PIEZO2: variants seen among roughly 807,000 people sequenced by gnomAD.
PIEZO2 encodes piezo-type mechanosensitive ion channel component 2.
Under a neutral mutation model 337.3 loss-of-function variants are expected in PIEZO2, and 172 were observed. That is an observed-to-expected ratio of 0.51 (90% confidence interval 0.45 to 0.58). The LOEUF is 0.58. PIEZO2 is among the 20% of genes least tolerant of loss of function. PIEZO2 has a pLI of 0.00. For missense variants in PIEZO2, 3,028 were observed against 3,391.3 expected, an observed-to-expected ratio of 0.89 and a Z score of 2.66; for synonymous variants, 1,251 against 1,228.5, an observed-to-expected ratio of 1.02 and a Z score of -0.38.
At chr18:10,896,571 T>C (rs901991631) in intron 4 of PIEZO2, among the ~76,000 whole-genome samples, 1 of 152,178 alleles carries the variant, frequency 6.6e-6, no homozygotes, top group African/African-American at 2.4e-5. Context: ...TTTCTCTCTG[T>C]TTATGGCAAG....
chr18:10,680,456 C>A (rs943443769), intron 51 of PIEZO2, 85 bp from the exon 52 acceptor site: 7 of 1,253,448 alleles, frequency 5.6e-6, no homozygotes, highest in African/African-American at 3.0e-5. Flanking sequence ...TTTTAACTGG[C>A]AGTATGGAAA....
rs1191391602 is a variant in PIEZO2 at position 11,069,662 on chromosome 18, GA to G, written c.65-3441del. Reference sequence around the variant, plus strand: ...GACACTTCCATTCAATGTGGTACGGGAAGTCCTAGGCAGAGGAATTAGGCAA... The same window carrying G: ...GACACTTCCATTCAATGTGGTACGGGAGTCCTAGGCAGAGGAATTAGGCAA... On this transcript the variant is annotated intron_variant, in intron 1 of 55. Transcript: ENST00000674853. The surrounding 1 kb of genome is among the most constrained non-coding windows in gnomAD (Gnocchi z 4.9). 6.6e-6 allele frequency among the ~76,000 whole-genome samples: 1 copy of G among 152,148 alleles called. No individual in the cohort carries two copies. Among genetic ancestry groups the G allele is most frequent in the Non-Finnish European group, 1.5e-5 (1 of 68,030 alleles).
intron 31 of PIEZO2, among the ~76,000 whole-genome samples, chr18:10,743,159 C>T (rs1310666020): frequency 6.6e-6 from 1 of 152,032 alleles, no homozygotes; most frequent in East Asian, 1.9e-4. Flanking sequence ...TACCATATTG[C>T]ATTTACATTA....
At chr18:10,981,490 T>C (rs910621610) in intron 2 of PIEZO2, among the ~76,000 whole-genome samples, 1 of 152,200 alleles carries the variant, frequency 6.6e-6, no homozygotes, top group Non-Finnish European at 1.5e-5. Flanking sequence ...ATCTTCTACC[T>C]AAGTGAAGAA....
At position 10,954,823 on chromosome 18, in the gene PIEZO2, C is replaced by T. The variant is rs564434361; in HGVS notation, c.286+24712G>A. Among the ~76,000 whole-genome samples the T allele has an allele frequency of 1.9e-4, 29 of 152,320 alleles. No individual in the cohort carries two copies. Among genetic ancestry groups the T allele is most frequent in the African/African-American group, 6.7e-4 (28 of 41,574 alleles). On this transcript the variant is annotated intron_variant, in intron 3 of 55. Coordinates refer to ENST00000674853, the MANE Select transcript of PIEZO2 (RefSeq NM_001378183.1). This position sits in a 1 kb window ranked among gnomAD's most constrained non-coding sequence, Gnocchi z 4.2. ...GAACAGAGAACTCAGAATGCAAGGC[C>T]TTCTTCTCTCATTTCTCTCTGATGT...
rs1354563729 is a variant in PIEZO2, at chr18:10,853,330, T to A, written c.917+2023A>T. Among the ~76,000 whole-genome samples the A allele has an allele frequency of 2.6e-5, 4 of 152,248 alleles. No homozygotes were observed. Among genetic ancestry groups the A allele is most frequent in the African/African-American group, 9.6e-5 (4 of 41,466 alleles). ...ACCGTGCACTTGATCTCAAGTCGCC[T>A]GCTTAGCCCACTTCCAAGTGTACTT... On this transcript the variant is annotated intron_variant, in intron 7 of 55. Transcript: ENST00000674853. The surrounding 1 kb of genome is among the most constrained non-coding windows in gnomAD (Gnocchi z 4.2).
At chr18:10,739,154 C>T (rs1261347888) in intron 33 of PIEZO2, 2 of 152,214 alleles carry the variant, frequency 1.3e-5, no homozygotes, top group African/African-American at 4.8e-5. Flanking sequence ...CACATTCTTT[C>T]CCTTTCATTC....
intron 3 of PIEZO2, among the ~76,000 whole-genome samples, chr18:10,924,799 A>G (rs1218506379): frequency 6.6e-6 from 1 of 152,208 alleles, no homozygotes; most frequent in Non-Finnish European, 1.5e-5. Flanking sequence ...GCATCTTATA[A>G]GGCGTTACAA....
rs1197115345 is a variant in PIEZO2, at chr18:11,009,022, A to AT, written c.161-29363dup. 6.6e-6 allele frequency among the ~76,000 whole-genome samples: 1 copy of AT among 152,202 alleles called. No homozygotes were observed. The highest frequency in any genetic ancestry group is 2.4e-5 in the African/African-American group (1 of 41,458). On this transcript the variant is annotated intron_variant, in intron 2 of 55. Transcript: ENST00000674853. The surrounding 1 kb of genome is among the most constrained non-coding windows in gnomAD (Gnocchi z 4.6). ...AAAATGGCATTTTTACTGACTTCTC[A>AT]TATTATCCTTTGTACTGTCTTGAAG...
chr18:10,889,910 C>T (rs959419570), intron 4 of PIEZO2, among the ~76,000 whole-genome samples: 1 of 152,240 alleles, frequency 6.6e-6, no homozygotes, highest in East Asian at 1.9e-4. Flanking sequence ...CGGGGTCCCA[C>T]TTTAACTGCT....
rs1449794779 is a variant in PIEZO2 at position 10,980,141 on chromosome 18, A to T, written c.161-481T>A. 6.6e-6 allele frequency among the ~76,000 whole-genome samples: 1 copy of T among 151,740 alleles called. No homozygotes were observed. Among genetic ancestry groups the T allele is most frequent in the East Asian group, 1.9e-4 (1 of 5,194 alleles). On this transcript the variant is annotated intron_variant, in intron 2 of 55. Transcript: ENST00000674853. The surrounding 1 kb of genome is among the most constrained non-coding windows in gnomAD (Gnocchi z 4.8). ...CATGTTACTCATAACATAGATATGA[A>T]TTATTTTTTTTAAATGTGTTAACCA...
rs371948857 is a variant in PIEZO2 at position 10,856,178 on chromosome 18, C to T, written c.704-612G>A. 1.2e-4 allele frequency among the ~76,000 whole-genome samples: 18 copies of T among 152,230 alleles called. No individual in the cohort carries two copies. The South Asian group carries it at 1.9e-3, about 16-fold the overall frequency. Reference sequence around the variant, plus strand: ...CCTTCCAAAGGGCTCGGATTACAGGCATGAGCCACTGCTCCTGGCCAATAA... The same window carrying T: ...CCTTCCAAAGGGCTCGGATTACAGGTATGAGCCACTGCTCCTGGCCAATAA... On this transcript the variant is annotated intron_variant, in intron 6 of 55. Coordinates refer to ENST00000674853, the MANE Select transcript of PIEZO2 (RefSeq NM_001378183.1). This position sits in a 1 kb window ranked among gnomAD's most constrained non-coding sequence, Gnocchi z 4.7.
In PIEZO2 at chr18:10,677,135, C is replaced by T. The variant is rs1164624292; in HGVS notation, c.8081+612G>A. ...GAATAATGTCTGTCTCAATGGAAGCCCCAGCGGGCCAGCACTTTCCATGCA... is the reference window on the plus strand; with the variant it reads ...GAATAATGTCTGTCTCAATGGAAGCTCCAGCGGGCCAGCACTTTCCATGCA... On this transcript the variant is annotated intron_variant, in intron 53 of 55. Transcript: ENST00000674853. The surrounding 1 kb of genome is among the most constrained non-coding windows in gnomAD (Gnocchi z 4.1). Among the ~76,000 whole-genome samples the T allele has an allele frequency of 6.6e-6, 1 of 152,174 alleles. No individual in the cohort carries two copies. The highest frequency in any genetic ancestry group is 1.5e-5 in the Non-Finnish European group (1 of 68,034).
chr18:10,911,512 C>T (rs2030473617), intron 3 of PIEZO2, among the ~76,000 whole-genome samples: 1 of 151,118 alleles, frequency 6.6e-6, no homozygotes, highest in African/African-American at 2.4e-5. Context: ...CCCAGCACTC[C>T]GGGAGGCCAA....
intron 3 of PIEZO2, among the ~76,000 whole-genome samples, chr18:10,936,388 G>A (rs551187724): frequency 1.3e-5 from 2 of 152,182 alleles, no homozygotes; most frequent in South Asian, 4.2e-4. Context: ...CCTCATTGAG[G>A]TTGCCTTTTA....
In PIEZO2 at chr18:10,762,926, G is replaced by A. The variant is rs976495862; in HGVS notation, c.3119C>T (p.Ser1040Phe). Residue 1040 changes from serine to phenylalanine, a missense_variant, in exon 22 of 56, where the codon TCC becomes TTC. This residue lies in a region of PIEZO2 where 1,925 missense variants were observed against 2,051.9 expected (regional missense o/e 0.94). Transcript: ENST00000674853. ...IKPENFSVNC[S>F]LPNENQTNIP... ...TCCCCCATCACCGAGGCTCACCAAGGAACAGTTAACAGAGAAGTTCTCAGG... is the reference window on the plus strand; with the variant it reads ...TCCCCCATCACCGAGGCTCACCAAGAAACAGTTAACAGAGAAGTTCTCAGG... The A allele has an allele frequency of 2.3e-5, 36 of 1,536,686 alleles. No individual in the cohort carries two copies. Among genetic ancestry groups the A allele is most frequent in the African/African-American group, 5.5e-5 (4 of 73,028 alleles).
chr18:10,720,403 GTATGTGTATGTGTATGTATA>G (rs1343791443), intron 36 of PIEZO2, among the ~76,000 whole-genome samples: 11 of 17,016 alleles, frequency 6.5e-4, no homozygotes, highest in Middle Eastern at 0.028. Context: ...GTGTGTGTGT[GTATGTGTATGTGTATGTATA>G]TATATATATA....
chr18:10,875,556 A>G (rs934519902), intron 4 of PIEZO2, among the ~76,000 whole-genome samples: 1 of 152,170 alleles, frequency 6.6e-6, no homozygotes, highest in Non-Finnish European at 1.5e-5. Context: ...ATTTTTGGCA[A>G]TCGATTATTA....
intron 49 of PIEZO2, among the ~76,000 whole-genome samples, chr18:10,685,930 G>A (rs555682048): frequency 4.6e-5 from 7 of 151,026 alleles, no homozygotes; most frequent in African/African-American, 1.5e-4. Context: ...GATGGTGATG[G>A]CTCTTTGCCA....
Sources: allele counts gnomAD v4.1 joint callset (sites outside exome capture counted in the v4.1 genomes callset), GRCh38; gene constraint gnomAD v4.1.1; regional missense constraint gnomAD v4.1.1; non-coding constraint Gnocchi (gnomAD v3.1); transcripts MANE v1.5; gene names NCBI Gene and HGNC (gene_info 2026-07-23, HGNC 2026-07-21).